ZNF283: variants seen among roughly 807,000 people sequenced by gnomAD.
ZNF283 encodes the protein zinc finger protein 283.
Under a neutral mutation model 9.2 loss-of-function variants are expected in ZNF283, and 10 were observed. The ratio of observed to expected loss-of-function variants is 1.09; its 90% confidence interval spans 0.67 to 1.85. The LOEUF (loss-of-function observed/expected upper bound fraction) is 1.85. ZNF283 is among the 40% of genes most tolerant of loss of function. ZNF283 has a pLI of 0.00. For missense variants in ZNF283, 631 were observed against 760.1 expected, an observed-to-expected ratio of 0.83 and a Z score of 2.00; for synonymous variants, 234 against 244.1, an observed-to-expected ratio of 0.96 and a Z score of 0.38.
At chr19:43,836,963 C>T (rs1261265473) in intron 5 of ZNF283, 90 bp from the exon 6 acceptor site, 3 of 1,411,430 alleles carry the variant, frequency 2.1e-6, no homozygotes, top group East Asian at 2.3e-5. Context: ...ATTTCTCCCC[C>T]TCTTTGTAGT....
At position 43,848,380 on chromosome 19, in the gene ZNF283, T is replaced by C. The variant is rs577665342; in HGVS notation, c.1779T>C (p.His593=). ...GSSLVKHERV[H]TNEKSYECKD... ...GCCTAGTTAAGCATGAGAGAGTCCA[T>C]ACTAATGAGAAGTCTTATGAATGTA... The change falls in exon 7 of 7, where the codon CAT becomes CAC. Residue 593 remains histidine (H), a synonymous_variant. Transcript: ENST00000618787. 57 of 1,613,814 alleles carry C rather than the reference T, an allele frequency of 3.5e-5. 1 individual carries two copies. In the South Asian group the frequency reaches 5.3e-4, roughly 15 times the overall value.
chr19:43,830,392 C>CT (rs59299359), intron 2 of ZNF283, among the ~76,000 whole-genome samples: 5,789 of 152,188 alleles, frequency 0.038, 253 homozygotes, highest in African/African-American at 0.1. Flanking sequence ...GACAGGAAGT[C>CT]TTAACCTGAG....
At chr19:43,834,696 C>T (rs546916037) in intron 4 of ZNF283, among the ~76,000 whole-genome samples, 1 of 152,112 alleles carries the variant, frequency 6.6e-6, no homozygotes, top group African/African-American at 2.4e-5. Flanking sequence ...CCCGGGTTCA[C>T]GCCATTCTCC....
chr19:43,832,878 G>A (rs1213029576), intron 3 of ZNF283, among the ~76,000 whole-genome samples: 1 of 151,790 alleles, frequency 6.6e-6, no homozygotes, highest in Non-Finnish European at 1.5e-5. Context: ...AGAATCATTA[G>A]TCGGGCAAGG....
At chr19:43,838,761 T>C (rs1971083707) in intron 6 of ZNF283, among the ~76,000 whole-genome samples, 1 of 152,224 alleles carries the variant, frequency 6.6e-6, no homozygotes, top group Non-Finnish European at 1.5e-5. Flanking sequence ...CTTGTCCAGA[T>C]TTAGTCAGTG....
rs1971481826 is a variant in ZNF283 at position 43,847,999 on chromosome 19, G to A, written c.1398G>A (p.Lys466=). The change falls in exon 7 of 7, where the codon AAG becomes AAA. Residue 466 remains lysine, a synonymous_variant. Coordinates refer to ENST00000618787, the MANE Select transcript of ZNF283 (RefSeq NM_181845.2). ...EKPFECKECG[K]AFSWGSSLVK... Reference sequence around the variant, plus strand: ...CTTTTGAATGTAAGGAATGTGGGAAGGCCTTTAGTTGGGGTTCAAGCCTTG... The same window carrying A: ...CTTTTGAATGTAAGGAATGTGGGAAAGCCTTTAGTTGGGGTTCAAGCCTTG... The A allele has an allele frequency of 6.2e-7, 1 of 1,613,906 alleles. No individual in the cohort carries two copies.
intron 2 of ZNF283, among the ~76,000 whole-genome samples, chr19:43,828,602 A>T (rs1970572034): frequency 6.6e-6 from 1 of 152,224 alleles, no homozygotes; most frequent in Admixed American, 6.5e-5. Flanking sequence ...ATTAGTAATT[A>T]GGTGGTGTTA....
At chr19:43,838,881 T>G (rs73938019) in intron 6 of ZNF283, among the ~76,000 whole-genome samples, 1,804 of 152,284 alleles carry the variant, frequency 0.012, 42 homozygotes, top group African/African-American at 0.041. Context: ...AAATTTCCCT[T>G]GTCTAGTTTT....
intron 6 of ZNF283, among the ~76,000 whole-genome samples, chr19:43,842,223 C>A (rs917021797): frequency 5.9e-5 from 9 of 152,086 alleles, no homozygotes; most frequent in African/African-American, 2.2e-4. Flanking sequence ...GTCTTGAAGT[C>A]ACTGTTTTTT....
At chr19:43,841,434 C>CT (rs557533523) in intron 6 of ZNF283, 47,549 of 129,526 alleles carry the variant, frequency 0.37, 9,370 homozygotes, top group South Asian at 0.54. Flanking sequence ...CTAATTTTAT[C>CT]TTTTTTTTTT....
At position 43,837,182 on chromosome 19, in the gene ZNF283, A is replaced by G. The variant is rs1487198272; in HGVS notation, c.337+3A>G. On this transcript the variant is annotated splice_donor_region_variant and intron_variant, in intron 6 of 6. Coordinates refer to ENST00000618787, the MANE Select transcript of ZNF283 (RefSeq NM_181845.2). ...CTATAGTAACTTGGTGTCACTGGGT[A>G]AGGTCATCTGCCTGAAATAATTTAG... 6.3e-7 allele frequency: 1 copy of G among 1,593,458 alleles called. No homozygotes were observed. Among genetic ancestry groups the G allele is most frequent in the East Asian group, 2.3e-5 (1 of 44,270 alleles).
rs948011109 is a variant in ZNF283, at chr19:43,840,690, TC to T, written c.337+3512del. The T allele has an allele frequency of 4.3e-3, 537 of 124,154 alleles. 1 individual carries two copies. Among genetic ancestry groups the T allele is most frequent in the African/African-American group, 0.016 (512 of 31,710 alleles). 7.7% of individuals were successfully genotyped at this position (124,154 alleles called of 1,614,324 possible). On this transcript the variant is annotated intron_variant, in intron 6 of 6. Coordinates refer to ENST00000618787, the MANE Select transcript of ZNF283 (RefSeq NM_181845.2). ...GTTTGTGGATGCCAATCTCTCTCTCTCTTTTTTTTTTTTGAGATGGAGTCTT... is the reference window on the plus strand; with the variant it reads ...GTTTGTGGATGCCAATCTCTCTCTCTTTTTTTTTTTTTGAGATGGAGTCTT...
chr19:43,831,245 T>A, intron 2 of ZNF283, 73 bp from the exon 3 acceptor site: 2 of 1,049,210 alleles, frequency 1.9e-6, no homozygotes, highest in East Asian at 5.1e-5. Context: ...TACCAAATAC[T>A]GTTTTGTTTA....
At chr19:43,846,626 A>G (rs1971409248) in intron 6 of ZNF283, among the ~76,000 whole-genome samples, 1 of 152,204 alleles carries the variant, frequency 6.6e-6, no homozygotes, top group African/African-American at 2.4e-5. Flanking sequence ...GATACATTGG[A>G]TGACCACAAC....
At chr19:43,827,467 A>G (rs1275885014) in intron 1 of ZNF283, 23 bp downstream of exon 1, 2 of 150,724 alleles carry the variant, frequency 1.3e-5, no homozygotes, top group East Asian at 4.0e-4. Context: ...TGTCTGTAGA[A>G]GTAATCAGCC....
intron 3 of ZNF283, among the ~76,000 whole-genome samples, chr19:43,832,084 T>C (rs930374419): frequency 2.6e-5 from 4 of 152,294 alleles, no homozygotes; most frequent in South Asian, 2.1e-4. Flanking sequence ...AACCCAGTTC[T>C]AGGTTTTATG....
At chr19:43,831,625 GT>G (rs1223936222) in intron 3 of ZNF283, among the ~76,000 whole-genome samples, 5 of 151,606 alleles carry the variant, frequency 3.3e-5, no homozygotes, top group Non-Finnish European at 7.4e-5. Context: ...ATGTTTTGGT[GT>G]TTTTTTTCTT....
At chr19:43,837,586 C>T (rs1971035988) in intron 6 of ZNF283, 3 of 265,020 alleles carry the variant, frequency 1.1e-5, no homozygotes, top group African/African-American at 2.2e-5. Flanking sequence ...TGCCCATTTT[C>T]GTGCAGTTTA....
chr19:43,838,414 C>A (rs945108894), intron 6 of ZNF283, among the ~76,000 whole-genome samples: 4 of 152,066 alleles, frequency 2.6e-5, no homozygotes, highest in African/African-American at 2.4e-5. Flanking sequence ...TCACTTGAGG[C>A]CAGGAGTTCG....
Sources: gnomAD v4.1 joint callset for allele counts (sites outside exome capture counted in the v4.1 genomes callset) on GRCh38, gnomAD v4.1.1 for gene constraint, MANE v1.5 for transcripts, NCBI Gene and HGNC (gene_info 2026-07-23, HGNC 2026-07-21) for gene names.